PLEKHA5: variants seen among roughly 807,000 people sequenced by gnomAD.
PLEKHA5 encodes pleckstrin homology domain-containing family A member 5.
In PLEKHA5, 55 loss-of-function variants were observed where a neutral mutation model predicts 181.9. The observed-to-expected ratio is 0.30, with a 90% CI of 0.24 to 0.38. The LOEUF is 0.38. PLEKHA5 is among the 10% of genes least tolerant of loss of function. The pLI, the probability that PLEKHA5 is intolerant of heterozygous loss-of-function variation, is 1.00. For synonymous variants in PLEKHA5, 535 were observed against 529.4 expected, an observed-to-expected ratio of 1.01 and a Z score of -0.15; for missense variants, 1,432 against 1,549.5, an observed-to-expected ratio of 0.92 and a Z score of 1.27.
rs2095530861 is a variant in PLEKHA5, at chr12:19,369,764, G to A, written c.3826G>A (p.Gly1276Arg). 1 of 1,611,826 alleles carries A rather than the reference G, an allele frequency of 6.2e-7. No homozygotes were observed. Among genetic ancestry groups the A allele is most frequent in the South Asian group, 1.1e-5 (1 of 90,940 alleles). ...ATCCACTCAGCCGCAGCTCACAGAA[G>A]GATCACATTTCATGTGTGTGTAGTC... ...VPSTQPQLTE[G>R]SHFMCV Residue 1276 changes from glycine to arginine, a missense_variant, in exon 31 of 32, where the codon GGA becomes AGA. Physicochemically the swap from Gly to Arg is moderately radical, Grantham distance 125. Transcript: ENST00000429027.
At chr12:19,282,772 A>T (rs1263053105) in intron 11 of PLEKHA5, among the ~76,000 whole-genome samples, 2 of 152,208 alleles carry the variant, frequency 1.3e-5, no homozygotes, top group Admixed American at 6.5e-5. Flanking sequence ...CATTGTGTGG[A>T]ACTAATAGTC....
At chr12:19,200,415 C>G in intron 3 of PLEKHA5, 1 of 1,504,860 alleles carries the variant, frequency 6.6e-7, no homozygotes, top group Non-Finnish European at 8.8e-7. Flanking sequence ...AGCTTCACTT[C>G]TTGGTGACTA....
intron 20 of PLEKHA5, among the ~76,000 whole-genome samples, chr12:19,334,829 A>AAAAAAAAAAATAT: frequency 3.8e-4 from 7 of 18,598 alleles, no homozygotes; most frequent in Non-Finnish European, 7.2e-4. Context: ...AAAAAAAAAA[A>AAAAAAAAAAATAT]ATATATATAT....
rs562939896 is a variant in PLEKHA5 at position 19,183,604 on chromosome 12, A to G, written c.227+51154A>G. Among the ~76,000 whole-genome samples the G allele has an allele frequency of 2.6e-5, 4 of 152,296 alleles. No homozygotes were observed. In the East Asian group the frequency reaches 7.7e-4, roughly 29 times the overall value. On this transcript the variant is annotated intron_variant, in intron 3 of 31. Transcript: ENST00000429027. ...GAAGCAAGTGGTTTGGGTTTCAATG[A>G]TTGAGTTAGTTGTTCTCAGTCTGCT...
At position 19,130,023 on chromosome 12, in the gene PLEKHA5, G is replaced by A. The variant is rs2032967218; in HGVS notation, c.90-28G>A. The A allele has an allele frequency of 1.3e-6, 2 of 1,550,026 alleles. No individual in the cohort carries two copies. The highest frequency in any genetic ancestry group is 1.2e-5 in the South Asian group (1 of 84,960). ...GCCCCCGCGTCCCCTCTCACGCTCCGTGTCTGCCCCTTCTCTCACCCCTGC... is the reference window on the plus strand; with the variant it reads ...GCCCCCGCGTCCCCTCTCACGCTCCATGTCTGCCCCTTCTCTCACCCCTGC... On this transcript the variant is annotated intron_variant, in intron 1 of 31. Transcript: ENST00000429027. This position sits in a 1 kb window ranked among gnomAD's most constrained non-coding sequence, Gnocchi z 4.5.
intron 16 of PLEKHA5, among the ~76,000 whole-genome samples, chr12:19,315,800 C>T (rs1397598251): frequency 2.6e-5 from 4 of 151,888 alleles, no homozygotes; most frequent in Non-Finnish European, 5.9e-5. Flanking sequence ...GCTTTTAAGG[C>T]CTCTATTTGG....
intron 21 of PLEKHA5, among the ~76,000 whole-genome samples, chr12:19,338,407 G>A (rs1179840740): frequency 6.6e-6 from 1 of 151,864 alleles, no homozygotes; most frequent in Non-Finnish European, 1.5e-5. Flanking sequence ...ATCACTTGAG[G>A]CCAGAAGTTT....
intron 31 of PLEKHA5, among the ~76,000 whole-genome samples, 192 bp from the exon 32 acceptor site, chr12:19,375,339 T>C (rs1488641646): frequency 1.3e-5 from 2 of 152,034 alleles, no homozygotes; most frequent in Non-Finnish European, 2.9e-5. Context: ...AAAAATTGCA[T>C]TATGTTTCTT....
intron 20 of PLEKHA5, among the ~76,000 whole-genome samples, chr12:19,335,878 C>T (rs2093386002): frequency 6.6e-6 from 1 of 151,970 alleles, no homozygotes; most frequent in African/African-American, 2.4e-5. Context: ...GTGATCTGCC[C>T]CCGTCAGCCT....
intron 3 of PLEKHA5, among the ~76,000 whole-genome samples, chr12:19,223,018 T>G (rs1004876364): frequency 8.0e-6 from 1 of 124,370 alleles, no homozygotes; most frequent in Admixed American, 8.1e-5. Context: ...TTTTTTTTTT[T>G]TCATTGTTGT....
At chr12:19,282,170 A>G (rs573654176) in intron 11 of PLEKHA5, among the ~76,000 whole-genome samples, 2 of 152,238 alleles carry the variant, frequency 1.3e-5, no homozygotes, top group Admixed American at 6.5e-5. Flanking sequence ...ATATGCAATT[A>G]CATATCCAAT....
chr12:19,138,100 C>A (rs377457560), intron 3 of PLEKHA5, among the ~76,000 whole-genome samples: 15 of 152,232 alleles, frequency 9.9e-5, no homozygotes, highest in African/African-American at 3.4e-4. Context: ...AGTCGATGAC[C>A]TGGAGACAGG....
intron 30 of PLEKHA5, among the ~76,000 whole-genome samples, chr12:19,366,574 AC>A (rs2095429344): frequency 6.6e-6 from 1 of 151,590 alleles, no homozygotes; most frequent in Non-Finnish European, 1.5e-5. Flanking sequence ...AATTGCTTGA[AC>A]CCCAGAGGCG....
At chr12:19,312,455 C>G (rs946841180) in intron 15 of PLEKHA5, among the ~76,000 whole-genome samples, 2 of 152,216 alleles carry the variant, frequency 1.3e-5, no homozygotes, top group African/African-American at 4.8e-5. Flanking sequence ...GTTATCTTAG[C>G]TAGATCTTCT....
chr12:19,166,980 C>A (rs1041417058), intron 3 of PLEKHA5, among the ~76,000 whole-genome samples: 6 of 152,266 alleles, frequency 3.9e-5, no homozygotes, highest in East Asian at 1.9e-4. Flanking sequence ...AGTCACTAAA[C>A]ATATATTCGA....
intron 3 of PLEKHA5, among the ~76,000 whole-genome samples, chr12:19,223,702 T>C (rs574006219): frequency 6.6e-6 from 1 of 152,270 alleles, no homozygotes; most frequent in South Asian, 2.1e-4. Flanking sequence ...CTCTGTTCTT[T>C]TTAGGCATTC....
At chr12:19,362,167 C>CAAAAAAAAAAAAAAAAAAAAAAA (rs33984774) in intron 29 of PLEKHA5, among the ~76,000 whole-genome samples, 1 of 61,614 alleles carries the variant, frequency 1.6e-5, no homozygotes. Context: ...GACTCTGTCT[C>CAAAAAAAAAAAAAAAAAAAAAAA]AAAAAAAAAA....
At chr12:19,372,202 T>C (rs1017221544) in intron 31 of PLEKHA5, 1 of 152,204 alleles carries the variant, frequency 6.6e-6, no homozygotes, top group Non-Finnish European at 1.5e-5. Context: ...GGTTTCACCA[T>C]GTTGGCCAGT....
chr12:19,202,319 A>G (rs185380392), intron 3 of PLEKHA5, among the ~76,000 whole-genome samples: 2 of 152,230 alleles, frequency 1.3e-5, no homozygotes, highest in African/African-American at 4.8e-5. Flanking sequence ...GGATTTGTGA[A>G]TATTAAATGA....
Sources: gnomAD v4.1 joint callset for allele counts (sites outside exome capture counted in the v4.1 genomes callset) on GRCh38, gnomAD v4.1.1 for gene constraint, Gnocchi (gnomAD v3.1) non-coding constraint, MANE v1.5 for transcripts, NCBI Gene and HGNC (gene_info 2026-07-23, HGNC 2026-07-21) for gene names.